SGCD: variants seen among roughly 807,000 people sequenced by gnomAD.
SGCD encodes delta-sarcoglycan.
A neutral mutation model predicts 36.6 loss-of-function variants in SGCD; 18 were observed. The ratio of observed to expected loss-of-function variants is 0.49; its 90% CI spans 0.34 to 0.73. The LOEUF is 0.73. Ranked by LOEUF, SGCD falls within the 30% of genes least tolerant of loss-of-function variation. The pLI is 0.01. For missense variants in SGCD, 387 were observed against 346.7 expected, an observed-to-expected ratio of 1.12 and a Z score of -0.92; for synonymous variants, 133 against 130.6, an observed-to-expected ratio of 1.02 and a Z score of -0.12.
intron 1 of SGCD, among the ~76,000 whole-genome samples, chr5:156,040,294 C>T (rs1056126585): frequency 2.0e-5 from 3 of 152,162 alleles, no homozygotes; most frequent in Non-Finnish European, 2.9e-5. Context: ...AAGCTTAAGC[C>T]TTGGCGTCTC....
chr5:156,657,738 G>T (rs1457459874), intron 7 of SGCD, among the ~76,000 whole-genome samples: 1 of 151,848 alleles, frequency 6.6e-6, no homozygotes, highest in Admixed American at 6.6e-5. Flanking sequence ...ACACCTGTGG[G>T]TGTTTCTCGT....
intron 3 of SGCD, among the ~76,000 whole-genome samples, chr5:156,374,586 A>T (rs541516491): frequency 7.9e-5 from 12 of 152,190 alleles, no homozygotes; most frequent in African/African-American, 2.9e-4. Context: ...AACAAAGCAA[A>T]TTTGAAAGAA....
At chr5:156,257,513 T>C (rs1191143816) in intron 3 of SGCD, among the ~76,000 whole-genome samples, 2 of 151,832 alleles carry the variant, frequency 1.3e-5, no homozygotes, top group African/African-American at 4.8e-5. Flanking sequence ...TTACCAATAG[T>C]GATGGTATTA....
intron 7 of SGCD, among the ~76,000 whole-genome samples, chr5:156,728,275 C>A (rs1561880385): frequency 6.6e-6 from 1 of 152,068 alleles, no homozygotes; most frequent in Non-Finnish European, 1.5e-5. Context: ...CTTCCTCTCT[C>A]TCCTCCCATG....
chr5:156,297,791 AAAATAAATAAATAAAT>A (rs34901027), intron 3 of SGCD, among the ~76,000 whole-genome samples: 2 of 144,372 alleles, frequency 1.4e-5, no homozygotes, highest in Admixed American at 1.4e-4. Context: ...GTATAATAAA[AAAATAAATAAATAAAT>A]AAATAAATAA....
At chr5:155,989,716 A>G (rs1040729136) in intron 1 of SGCD, among the ~76,000 whole-genome samples, 7 of 152,220 alleles carry the variant, frequency 4.6e-5, no homozygotes, top group African/African-American at 1.7e-4. Context: ...AATAAAATGT[A>G]AATGTCCTTA....
intron 1 of SGCD, among the ~76,000 whole-genome samples, chr5:156,024,763 G>C (rs759209802): frequency 2.0e-5 from 3 of 152,064 alleles, no homozygotes; most frequent in Non-Finnish European, 2.9e-5. Flanking sequence ...TTCGCAACCA[G>C]CCTGGGCAAC....
chr5:156,499,953 T>G (rs1418715862), intron 3 of SGCD, among the ~76,000 whole-genome samples: 1 of 152,084 alleles, frequency 6.6e-6, no homozygotes, highest in East Asian at 1.9e-4. Context: ...AAATTAACCC[T>G]CCCTTGCCCC....
chr5:156,168,835 C>A (rs1295038052), intron 3 of SGCD, among the ~76,000 whole-genome samples: 1 of 152,214 alleles, frequency 6.6e-6, no homozygotes, highest in Admixed American at 6.5e-5. Flanking sequence ...AAGGCTCAGG[C>A]TGAACTCTCA....
At chr5:155,895,062 A>G (rs1756217319) in intron 1 of SGCD, among the ~76,000 whole-genome samples, 1 of 152,268 alleles carries the variant, frequency 6.6e-6, no homozygotes, top group South Asian at 2.1e-4. Context: ...ACCAGGCCTT[A>G]TTCAAGCCTG....
chr5:156,608,175 G>A, intron 6 of SGCD, among the ~76,000 whole-genome samples: 1 of 152,196 alleles, frequency 6.6e-6, no homozygotes, highest in Middle Eastern at 3.4e-3. Context: ...TCTCTTGTGG[G>A]CATGTAGTGC....
intron 7 of SGCD, among the ~76,000 whole-genome samples, chr5:156,679,567 T>G (rs1326880053): frequency 6.6e-6 from 1 of 152,176 alleles, no homozygotes; most frequent in African/African-American, 2.4e-5. Context: ...CATAACACAT[T>G]GGGCAGGATT....
chr5:156,677,584 T>C (rs1024655789), intron 7 of SGCD, among the ~76,000 whole-genome samples: 1 of 152,064 alleles, frequency 6.6e-6, no homozygotes, highest in Non-Finnish European at 1.5e-5. Context: ...GACTACCTAA[T>C]GTAAATGACG....
intron 1 of SGCD, among the ~76,000 whole-genome samples, chr5:155,992,846 A>G (rs946676302): frequency 6.6e-6 from 1 of 152,096 alleles, no homozygotes; most frequent in Admixed American, 6.5e-5. Flanking sequence ...TGTATTTCTG[A>G]TGCTTTGACC....
intron 1 of SGCD, among the ~76,000 whole-genome samples, chr5:155,974,903 G>A (rs2127560702): frequency 6.6e-6 from 1 of 152,072 alleles, no homozygotes; most frequent in African/African-American, 2.4e-5. Flanking sequence ...CCTCTGGGCA[G>A]TACTATTATC....
intron 4 of SGCD, among the ~76,000 whole-genome samples, chr5:156,528,513 T>C (rs1014614500): frequency 2.6e-5 from 4 of 152,180 alleles, no homozygotes; most frequent in Non-Finnish European, 5.9e-5. Context: ...TCAAAGATTC[T>C]CTAAGAAGCT....
At chr5:156,497,424 T>A (rs1756245525) in intron 3 of SGCD, among the ~76,000 whole-genome samples, 1 of 152,162 alleles carries the variant, frequency 6.6e-6, no homozygotes, top group East Asian at 1.9e-4. Context: ...GAATTCCTGT[T>A]TATACATTAC....
At chr5:156,415,077 T>A (rs1163515208) in intron 3 of SGCD, among the ~76,000 whole-genome samples, 1 of 152,118 alleles carries the variant, frequency 6.6e-6, no homozygotes, top group African/African-American at 2.4e-5. Context: ...TTACCATCAG[T>A]GGTGGCCAAG....
At chr5:156,517,395 G>T (rs557588377) in intron 4 of SGCD, among the ~76,000 whole-genome samples, 1 of 152,284 alleles carries the variant, frequency 6.6e-6, no homozygotes, top group East Asian at 1.9e-4. Flanking sequence ...CAGGGAGAAT[G>T]GAACCAAGTT....
Sources: allele counts gnomAD v4.1 joint callset (sites outside exome capture counted in the v4.1 genomes callset), GRCh38; gene constraint gnomAD v4.1.1; transcripts MANE v1.5; gene names NCBI Gene and HGNC (gene_info 2026-07-23, HGNC 2026-07-21).